The following CCSER1 variants were observed in gnomAD, a reference collection of about 807,000 sequenced individuals.
The protein encoded by CCSER1 is serine-rich coiled-coil domain-containing protein 1.
In CCSER1, 41 loss-of-function variants were observed where a neutral mutation model predicts 82.0. The ratio of observed to expected loss-of-function variants is 0.50; its 90% CI spans 0.39 to 0.65. CCSER1 has a LOEUF of 0.65. Among genes scored for constraint, CCSER1 ranks in the 30% least tolerant of loss-of-function variants. CCSER1 has a pLI of 0.00. For synonymous variants in CCSER1, 414 were observed against 383.9 expected (o/e 1.08, Z -0.92); for missense variants, 1,119 against 1,064.2 (o/e 1.05, Z -0.72).
chr4:91,310,449 G>A (rs868666160), intron 10 of CCSER1, among the ~76,000 whole-genome samples: 1 of 149,366 alleles, frequency 6.7e-6, no homozygotes, highest in South Asian at 2.1e-4. Flanking sequence ...ACGAATTTTT[G>A]TTGGGCCACA....
At chr4:90,441,295 A>T (rs1308050000) in intron 4 of CCSER1, among the ~76,000 whole-genome samples, 1 of 152,152 alleles carries the variant, frequency 6.6e-6, no homozygotes, top group African/African-American at 2.4e-5. Flanking sequence ...ACAAAATAGC[A>T]TAGACTAAGT....
At chr4:90,840,173 G>A (rs1035854749) in intron 8 of CCSER1, among the ~76,000 whole-genome samples, 1 of 151,962 alleles carries the variant, frequency 6.6e-6, no homozygotes, top group African/African-American at 2.4e-5. Context: ...ATAAATAAGA[G>A]AATCCTTTAT....
intron 10 of CCSER1, among the ~76,000 whole-genome samples, chr4:91,284,798 A>C (rs2149208252): frequency 6.6e-6 from 1 of 152,238 alleles, no homozygotes; most frequent in South Asian, 2.1e-4. Context: ...TCAAAGGTAC[A>C]GTCCTGTTTG....
intron 4 of CCSER1, among the ~76,000 whole-genome samples, chr4:90,408,205 G>A (rs559514135): frequency 6.6e-6 from 1 of 152,300 alleles, no homozygotes; most frequent in Non-Finnish European, 1.5e-5. Flanking sequence ...CCACCTATGG[G>A]GGCAGGGCAC....
intron 10 of CCSER1, among the ~76,000 whole-genome samples, chr4:91,287,028 C>A (rs1743329456): frequency 6.6e-6 from 1 of 151,794 alleles, no homozygotes; most frequent in South Asian, 2.1e-4. Context: ...GAAAATAATA[C>A]TGCCTTGCTA....
chr4:90,853,279 A>G (rs925061767), intron 8 of CCSER1, among the ~76,000 whole-genome samples: 3 of 152,044 alleles, frequency 2.0e-5, no homozygotes, highest in South Asian at 2.1e-4. Context: ...CCCTTTAGAG[A>G]TGTTCATTTT....
intron 10 of CCSER1, among the ~76,000 whole-genome samples, chr4:91,498,831 T>A (rs1759064537): frequency 6.6e-6 from 1 of 151,962 alleles, no homozygotes; most frequent in Non-Finnish European, 1.5e-5. Flanking sequence ...ATAAAATATG[T>A]CCCATTAAAT....
At chr4:90,706,125 T>A (rs1739296658) in intron 6 of CCSER1, among the ~76,000 whole-genome samples, 1 of 152,152 alleles carries the variant, frequency 6.6e-6, no homozygotes. Flanking sequence ...CCACTCCCTA[T>A]GTCTCAATCT....
intron 5 of CCSER1, among the ~76,000 whole-genome samples, chr4:90,627,448 GA>G (rs1723499347): frequency 1.3e-5 from 2 of 151,626 alleles, no homozygotes; most frequent in Non-Finnish European, 2.9e-5. Flanking sequence ...ATATAATTCA[GA>G]AATATATGTA....
intron 10 of CCSER1, among the ~76,000 whole-genome samples, chr4:91,332,118 A>T (rs1279150493): frequency 6.6e-6 from 1 of 152,072 alleles, no homozygotes; most frequent in Non-Finnish European, 1.5e-5. Context: ...TGTTGAAATC[A>T]TTTCGAATGC....
chr4:90,776,248 C>A (rs1752876119), intron 7 of CCSER1, among the ~76,000 whole-genome samples: 1 of 152,074 alleles, frequency 6.6e-6, no homozygotes, highest in South Asian at 2.1e-4. Flanking sequence ...ACTGGCAAAT[C>A]TTACTTTTTG....
At chr4:91,024,186 T>A (rs1246562541) in intron 9 of CCSER1, among the ~76,000 whole-genome samples, 1 of 152,114 alleles carries the variant, frequency 6.6e-6, no homozygotes, top group Admixed American at 6.6e-5. Flanking sequence ...CACCTCTCAA[T>A]ACTGCTACAT....
chr4:91,346,821 ATTATATTGT>A (rs1748094493), intron 10 of CCSER1, among the ~76,000 whole-genome samples: 1 of 152,120 alleles, frequency 6.6e-6, no homozygotes, highest in Admixed American at 6.6e-5. Flanking sequence ...CCCATTTTAA[ATTATATTGT>A]TTGTTTCTTA....
intron 10 of CCSER1, among the ~76,000 whole-genome samples, chr4:91,518,042 C>T (rs1269925381): frequency 6.6e-6 from 1 of 152,168 alleles, no homozygotes; most frequent in Non-Finnish European, 1.5e-5. Flanking sequence ...TGCAGCCATG[C>T]TCCCTCTGAG....
chr4:91,297,756 A>G (rs879271627), intron 10 of CCSER1, among the ~76,000 whole-genome samples: 1 of 151,990 alleles, frequency 6.6e-6, no homozygotes, highest in Non-Finnish European at 1.5e-5. Flanking sequence ...ATGTAAGCAG[A>G]CAGCCAACCA....
At chr4:90,971,132 C>T (rs1278137066) in intron 9 of CCSER1, among the ~76,000 whole-genome samples, 1 of 151,668 alleles carries the variant, frequency 6.6e-6, no homozygotes, top group Non-Finnish European at 1.5e-5. Context: ...TATTTGTTCT[C>T]ATACTATGAT....
chr4:90,386,892 A>G (rs928507365), intron 3 of CCSER1, among the ~76,000 whole-genome samples: 3 of 152,194 alleles, frequency 2.0e-5, no homozygotes, highest in Non-Finnish European at 4.4e-5. Flanking sequence ...TGTTTCCTGC[A>G]ACTAATATGG....
At chr4:90,467,168 T>A (rs562404358) in intron 4 of CCSER1, among the ~76,000 whole-genome samples, 1 of 152,074 alleles carries the variant, frequency 6.6e-6, no homozygotes, top group South Asian at 2.1e-4. Context: ...GGGCGTATCA[T>A]GAGGTCAAGA....
At position 90,587,149 on chromosome 4, in the gene CCSER1, G is replaced by A. The variant is rs1203546533; in HGVS notation, c.1725-40876G>A. Among the ~76,000 whole-genome samples, 3 of 152,164 alleles carry A rather than the reference G, an allele frequency of 2.0e-5. 1 individual carries two copies. The highest frequency in any genetic ancestry group is 4.1e-4 in the South Asian group (2 of 4,828). ...TGCGGAGCATCGAGAAGTTCAAAAA[G>A]GCAAGGAAATGGATAATCTCAAAAA... is the stretch of plus-strand genomic sequence containing the variant. On this transcript the variant is annotated intron_variant, in intron 5 of 10. Coordinates refer to ENST00000509176, the MANE Select transcript of CCSER1 (RefSeq NM_001145065.2).
Sources: gnomAD v4.1 joint callset for allele counts (sites outside exome capture counted in the v4.1 genomes callset) on GRCh38, gnomAD v4.1.1 for gene constraint, MANE v1.5 for transcripts, NCBI Gene and HGNC (gene_info 2026-07-23, HGNC 2026-07-21) for gene names.